Variants in WRNIP1 observed in about 807,000 individuals in gnomAD.
The protein encoded by WRNIP1 is WRN helicase interacting protein 1, also known as ATPase WRNIP1.
Under a neutral mutation model 56.1 loss-of-function variants are expected in WRNIP1, and 41 were observed. That is an observed-to-expected ratio of 0.73 (90% CI 0.57 to 0.95). WRNIP1 has a LOEUF of 0.95. WRNIP1 is among the 40% of genes least tolerant of loss of function. The probability of loss-of-function intolerance (pLI) is 0.00; values close to 1 mark genes in which losing one functional copy is unlikely to be tolerated. For synonymous variants in WRNIP1, 547 were observed against 398.1 expected (o/e 1.37, Z -4.45); for missense variants, 1,170 against 939.4 (o/e 1.25, Z -3.21).
chr6:2,771,383 C>T (rs1189395603), intron 3 of WRNIP1, among the ~76,000 whole-genome samples: 2 of 152,152 alleles, frequency 1.3e-5, no homozygotes, highest in Non-Finnish European at 2.9e-5. Flanking sequence ...ACAGAGTGGC[C>T]TTGTTTTGGA....
chr6:2,774,964 C>G (rs1216345141), intron 3 of WRNIP1, among the ~76,000 whole-genome samples: 2 of 152,196 alleles, frequency 1.3e-5, no homozygotes, highest in Non-Finnish European at 2.9e-5. Flanking sequence ...AGGCACTGCT[C>G]TAAGCATTCC....
In WRNIP1 at chr6:2,785,121, C is replaced by T. The variant is rs140666043; in HGVS notation, c.1837C>T (p.Pro613Ser). 173 of 1,614,174 alleles carry T rather than the reference C, an allele frequency of 1.1e-4. No homozygotes were observed. Among genetic ancestry groups the T allele is most frequent in the Non-Finnish European group, 1.4e-4 (165 of 1,180,030 alleles). ...GAGGAACCACCAGGGGCCACTGCCC[C>T]CCGTGCCCCTGCACCTGAGGAACGC... ...CLRNHQGPLP[P>S]VPLHLRNAPT... The change falls in exon 7 of 7, where the codon CCC becomes TCC. Residue 613 changes from proline to serine, a missense_variant. Coordinates refer to ENST00000380773, the MANE Select transcript of WRNIP1 (RefSeq NM_020135.3).
rs758634684 is a variant in WRNIP1, at chr6:2,779,446, C to T, written c.1440C>T (p.Asp480=). The T allele has an allele frequency of 3.8e-5, 61 of 1,614,028 alleles. No individual in the cohort carries two copies. In the South Asian group the frequency reaches 4.8e-4, roughly 13 times the overall value. The stretch of plus-strand genomic sequence containing the variant: ...GTAGAGTTCTGATCACAGAGAATGA[C>T]GTGAAGGAGGGCCTACAGCGATCCC... ...SPSRVLITEN[D]VKEGLQRSHI... Residue 480 remains aspartate (D), a synonymous_variant, in exon 4 of 7, where the codon GAC becomes GAT. Transcript: ENST00000380773.
In WRNIP1 at chr6:2,783,433, C is replaced by T. The variant is rs1319954591; in HGVS notation, c.1514C>T (p.Ala505Val). The part of the protein sequence containing the change: ...AGEEHYNCIS[A>V]LHKSMRGSDQ... ...GAGGAGCATTACAACTGCATCTCCGCCCTGCACAAGTCCATGCGGGGCTCA... is the reference window on the plus strand; with the variant it reads ...GAGGAGCATTACAACTGCATCTCCGTCCTGCACAAGTCCATGCGGGGCTCA... Residue 505 changes from alanine to valine, a missense_variant, in exon 5 of 7, where the codon GCC becomes GTC. Coordinates refer to ENST00000380773, the MANE Select transcript of WRNIP1 (RefSeq NM_020135.3). 1.9e-6 allele frequency: 3 copies of T among 1,611,176 alleles called. No homozygotes were observed. The highest frequency in any genetic ancestry group is 1.3e-5 in the African/African-American group (1 of 74,856).
At chr6:2,774,024 A>G (rs1363376856) in intron 3 of WRNIP1, 1 of 985,278 alleles carries the variant, frequency 1.0e-6, no homozygotes, top group Admixed American at 6.2e-5. Flanking sequence ...TTCTTTTTAT[A>G]AAAGTTTAAA....
chr6:2,768,925 A>G (rs1407766191), intron 2 of WRNIP1, 43 bp downstream of exon 2: 1 of 1,559,002 alleles, frequency 6.4e-7, no homozygotes, highest in Non-Finnish European at 8.7e-7. Flanking sequence ...GTGAACATCA[A>G]ACAATATAAA....
At chr6:2,781,062 C>G (rs1222576388) in intron 4 of WRNIP1, among the ~76,000 whole-genome samples, 1 of 152,236 alleles carries the variant, frequency 6.6e-6, no homozygotes, top group African/African-American at 2.4e-5. Context: ...TGTCCTTCCC[C>G]CCGTCCGCAT....
Position 2,765,661 on chromosome 6 carries a change from G to C in WRNIP1, c.39G>C (p.Ser13=). Residue 13 remains serine, a synonymous_variant, in exon 1 of 7, where the codon TCG becomes TCC. Transcript: ENST00000380773. Reference sequence around the variant, plus strand: ...GGCCGGAAGACGACCCCTTCCTTTCGCAGCTGCACCAGGTGCAGTGCCCCG... The same window carrying C: ...GGCCGGAAGACGACCCCTTCCTTTCCCAGCTGCACCAGGTGCAGTGCCCCG... ...VSGPEDDPFL[S]QLHQVQCPVC... is the part of the protein sequence containing the mutation. The C allele has an allele frequency of 6.5e-7, 1 of 1,549,174 alleles. No individual in the cohort carries two copies. Among genetic ancestry groups the C allele is most frequent in the African/African-American group, 1.4e-5 (1 of 70,376 alleles).
chr6:2,784,389 A>G lies in WRNIP1; in HGVS notation c.1708A>G (p.Met570Val). 2 of 1,614,110 alleles carry G rather than the reference A, an allele frequency of 1.2e-6. No homozygotes were observed. The highest frequency in any genetic ancestry group is 1.7e-6 in the Non-Finnish European group (2 of 1,179,942). ...CTACCAAGGCTGTCATTTTATAGGC[A>G]TGCCTGAATGTGAGGTAAAGTAATC... is the stretch of plus-strand genomic sequence containing the variant. ...AAYQGCHFIGMPECEVLLAQC... is the reference protein window; with the variant it reads ...AAYQGCHFIGVPECEVLLAQC... The change falls in exon 6 of 7, where the codon ATG becomes GTG. Residue 570 changes from methionine to valine, a missense_variant. Physicochemically the swap from Met to Val is conservative, Grantham distance 21. Transcript: ENST00000380773.
At chr6:2,783,164 T>A (rs565586873) in intron 4 of WRNIP1, among the ~76,000 whole-genome samples, 1 of 152,176 alleles carries the variant, frequency 6.6e-6, no homozygotes. Context: ...GTGCGTGCAC[T>A]CCATGTCGAC....
chr6:2,766,739 A>G (rs188091761), intron 1 of WRNIP1, among the ~76,000 whole-genome samples: 262 of 152,326 alleles, frequency 1.7e-3, no homozygotes, highest in African/African-American at 5.6e-3. Flanking sequence ...ATCTGCCTTT[A>G]TCTTCCATCG....
rs1048883104 is a variant in WRNIP1, at chr6:2,768,755, C to T, written c.887C>T (p.Ser296Phe). 6.2e-7 allele frequency: 1 copy of T among 1,613,982 alleles called. No homozygotes were observed. The highest frequency in any genetic ancestry group is 8.5e-7 in the Non-Finnish European group (1 of 1,179,922). The change falls in exon 2 of 7, where the codon TCT becomes TTT. Residue 296 changes from serine to phenylalanine, a missense_variant. Transcript: ENST00000380773. Reference sequence around the variant, plus strand: ...CATAGCATAAGGTTTGTGACATTATCTGCAACAAATGCCAAGACAAATGAT... The same window carrying T: ...CATAGCATAAGGTTTGTGACATTATTTGCAACAAATGCCAAGACAAATGAT... ...KKHSIRFVTL[S>F]ATNAKTNDVR... is the part of the protein sequence containing the mutation.
chr6:2,770,068 G>A, intron 2 of WRNIP1, 52 bp from the exon 3 acceptor site: 1 of 1,609,404 alleles, frequency 6.2e-7, no homozygotes, highest in Admixed American at 1.7e-5. Flanking sequence ...ATAGGATTCT[G>A]CAGGTGGCTG....
chr6:2,784,687 C>T (rs1478690654), intron 6 of WRNIP1, among the ~76,000 whole-genome samples: 1 of 152,124 alleles, frequency 6.6e-6, no homozygotes, highest in Non-Finnish European at 1.5e-5. Flanking sequence ...AACAGCAAAG[C>T]CTCTGCAAGT....
At chr6:2,778,031 G>T (rs1765473049) in intron 3 of WRNIP1, among the ~76,000 whole-genome samples, 1 of 152,188 alleles carries the variant, frequency 6.6e-6, no homozygotes, top group Admixed American at 6.5e-5. Context: ...CATCTTTAAG[G>T]CATTGGGAAC....
In WRNIP1 at chr6:2,765,667, G is replaced by C; in HGVS notation, c.45G>C (p.Leu15=). The change falls in exon 1 of 7, where the codon CTG becomes CTC. Residue 15 remains leucine (L), a synonymous_variant. Transcript: ENST00000380773. ...GPEDDPFLSQ[L]HQVQCPVCQQ... ...AAGACGACCCCTTCCTTTCGCAGCTGCACCAGGTGCAGTGCCCCGTGTGCC... is the reference window on the plus strand; with the variant it reads ...AAGACGACCCCTTCCTTTCGCAGCTCCACCAGGTGCAGTGCCCCGTGTGCC... The C allele has an allele frequency of 6.4e-7, 1 of 1,551,874 alleles. No individual in the cohort carries two copies. Among genetic ancestry groups the C allele is most frequent in the African/African-American group, 1.4e-5 (1 of 70,524 alleles).
chr6:2,765,926 G>A lies in WRNIP1; in HGVS notation c.304G>A (p.Gly102Ser), dbSNP rs1348949053. ...SEGEGEEGDD[G>S]GETESRESYD... The stretch of plus-strand genomic sequence containing the variant: ...GGGCGAGGGTGAGGAGGGCGACGAC[G>A]GCGGCGAGACCGAGAGCCGCGAGAG... The change falls in exon 1 of 7, where the codon GGC becomes AGC. Residue 102 changes from glycine to serine, a missense_variant. By Grantham distance (56) the Gly-to-Ser change is moderately conservative (BLOSUM62 0). Transcript: ENST00000380773. 4.1e-6 allele frequency: 6 copies of A among 1,452,180 alleles called. No individual in the cohort carries two copies. Among genetic ancestry groups the A allele is most frequent in the Non-Finnish European group, 5.4e-6 (6 of 1,103,520 alleles). 90.0% of individuals were successfully genotyped at this position (1,452,180 alleles called of 1,614,324 possible).
At chr6:2,767,071 C>T (rs914348336) in intron 1 of WRNIP1, among the ~76,000 whole-genome samples, 5 of 152,186 alleles carry the variant, frequency 3.3e-5, no homozygotes, top group African/African-American at 1.2e-4. Flanking sequence ...TCCGGTATTT[C>T]CGTAACTTTT....
intron 3 of WRNIP1, among the ~76,000 whole-genome samples, chr6:2,778,387 A>ATG (rs1561914551): frequency 1.3e-5 from 2 of 152,210 alleles, no homozygotes; most frequent in Non-Finnish European, 2.9e-5. Context: ...AAGTTATGAA[A>ATG]TGTGTTAGAT....
Sources: gnomAD v4.1 joint callset for allele counts (sites outside exome capture counted in the v4.1 genomes callset) on GRCh38, gnomAD v4.1.1 for gene constraint, MANE v1.5 for transcripts, NCBI Gene and HGNC (gene_info 2026-07-23, HGNC 2026-07-21) for gene names.